Variants in ARPC5 observed in about 807,000 individuals in gnomAD.
ARPC5 encodes the protein actin-related protein 2/3 complex subunit 5.
A neutral mutation model predicts 15.4 loss-of-function variants in ARPC5; 5 were observed. The observed-to-expected ratio is 0.32, with a 90% CI of 0.17 to 0.68. The LOEUF (loss-of-function observed/expected upper bound fraction) is 0.68, where lower values mean the gene tolerates loss of function less well. Ranked by LOEUF, ARPC5 falls within the 30% of genes least tolerant of loss-of-function variation. ARPC5 has a pLI of 0.71. For missense variants in ARPC5, 138 were observed against 192.8 expected, an observed-to-expected ratio of 0.72 and a Z score of 1.68; for synonymous variants, 85 against 72.2, an observed-to-expected ratio of 1.18 and a Z score of -0.90.
chr1:183,626,462 G>A lies in ARPC5; in HGVS notation c.*1070C>T, dbSNP rs764209157. The A allele has an allele frequency of 2.0e-4, 30 of 152,480 alleles. No individual in the cohort carries two copies. Among genetic ancestry groups the A allele is most frequent in the Non-Finnish European group, 3.4e-4 (23 of 68,028 alleles). The allele number at this position is 152,480 out of a possible 1,614,324, so 9.4% of individuals were successfully genotyped here. A position where few individuals can be genotyped will look rare whatever the true frequency, so the allele number is the denominator to read the frequency against. ...CGGTCATTTTTTGAGAACTGATTTG[G>A]TTTGTCCAACAAAGTAAACAATTTT... is the stretch of plus-strand genomic sequence containing the variant. On this transcript the variant is annotated 3_prime_UTR_variant, in exon 4 of 4. Transcript: ENST00000359856.
chr1:183,631,722 A>T (rs1649273472), intron 2 of ARPC5: 1 of 152,240 alleles, frequency 6.6e-6, no homozygotes, highest in South Asian at 2.1e-4. Flanking sequence ...TCTTAAAAGA[A>T]AATTGACTGT....
In ARPC5 at chr1:183,627,238, G is replaced by T; in HGVS notation, c.*294C>A. The T allele has an allele frequency of 3.7e-6, 1 of 272,994 alleles. No homozygotes were observed. 16.9% of individuals were successfully genotyped at this position (272,994 alleles called of 1,614,324 possible). A position where few individuals can be genotyped will look rare whatever the true frequency, so the allele number is the denominator to read the frequency against. On this transcript the variant is annotated 3_prime_UTR_variant, in exon 4 of 4. Transcript: ENST00000359856. ...AAAAACCAGCCAACAGGGGTTAAAA[G>T]TTGCACAATTAAACTTGAATGTAAA... is the stretch of plus-strand genomic sequence containing the variant.
In ARPC5 at chr1:183,635,746, G is replaced by C. The variant is rs1385358717; in HGVS notation, c.-87C>G. On this transcript the variant is annotated 5_prime_UTR_variant, in exon 1 of 4. It adds an upstream start codon to the 5' untranslated region. Coordinates refer to ENST00000359856, the MANE Select transcript of ARPC5 (RefSeq NM_005717.4). Reference sequence around the variant, plus strand: ...CCCAGCAACCCACTACCCGGCGCCTGATTCACTTCCCTCTTCCGCTCTGAG... The same window carrying C: ...CCCAGCAACCCACTACCCGGCGCCTCATTCACTTCCCTCTTCCGCTCTGAG... 1 of 1,525,440 alleles carries C rather than the reference G, an allele frequency of 6.6e-7. No homozygotes were observed. The highest frequency in any genetic ancestry group is 8.9e-7 in the Non-Finnish European group (1 of 1,129,624). The allele number at this position is 1,525,440 out of a possible 1,614,324, so 94.5% of individuals were successfully genotyped here.
At chr1:183,631,296 A>G (rs1231209314) in intron 2 of ARPC5, 1 of 151,822 alleles carries the variant, frequency 6.6e-6, no homozygotes, top group Non-Finnish European at 1.5e-5. Flanking sequence ...TCCCAACAAA[A>G]CGGCCGGGTG....
intron 3 of ARPC5, among the ~76,000 whole-genome samples, chr1:183,629,507 G>C (rs1225440453): frequency 6.6e-6 from 1 of 152,074 alleles, no homozygotes; most frequent in Non-Finnish European, 1.5e-5. Flanking sequence ...TCTTATGTTT[G>C]TGTTTTCACT....
chr1:183,635,546 G>A lies in ARPC5; in HGVS notation c.114C>T (p.Asp38=), dbSNP rs1330976645. Residue 38 remains aspartate (D), a synonymous_variant, in exon 1 of 4, where the codon GAC becomes GAT. Coordinates refer to ENST00000359856, the MANE Select transcript of ARPC5 (RefSeq NM_005717.4). ...EDGGDGQAGP[D]EGEVDSCLRQ... is the part of the protein sequence containing the mutation. ...GCAGGCAGGAGTCCACCTCGCCCTC[G>A]TCGGGCCCGGCCTGGCCGTCGCCCC... 6.2e-6 allele frequency: 10 copies of A among 1,612,732 alleles called. No individual in the cohort carries two copies. Among genetic ancestry groups the A allele is most frequent in the Non-Finnish European group, 7.6e-6 (9 of 1,179,684 alleles).
Position 183,622,431 on chromosome 1 carries a change from A to G in ARPC5, c.*5101T>C, listed in dbSNP as rs1212251287. On this transcript the variant is annotated 3_prime_UTR_variant, in exon 4 of 4. Transcript: ENST00000359856. ...ATCTTGATTCAATTTTTGGAGAAAC[A>G]AAAGGAAGTATGATGTTATTCAGAG... is the stretch of plus-strand genomic sequence containing the variant. 1.3e-5 allele frequency: 2 copies of G among 152,238 alleles called. No individual in the cohort carries two copies. The highest frequency in any genetic ancestry group is 1.3e-4 in the Admixed American group (2 of 15,284). 9.4% of individuals were successfully genotyped at this position (152,238 alleles called of 1,614,324 possible).
chr1:183,635,151 C>T (rs1244793816), intron 1 of ARPC5, among the ~76,000 whole-genome samples: 2 of 152,256 alleles, frequency 1.3e-5, no homozygotes, highest in East Asian at 1.9e-4. Context: ...AACTAAGGCG[C>T]TCGGCACCAG....
In ARPC5 at chr1:183,635,776, C is replaced by A. The variant is rs529054008; in HGVS notation, c.-117G>T. 2.0e-4 allele frequency: 277 copies of A among 1,365,878 alleles called. No individual in the cohort carries two copies. The Middle Eastern group carries it at 2.1e-3, about 10-fold the overall frequency. 84.6% of individuals were successfully genotyped at this position (1,365,878 alleles called of 1,614,324 possible). ...ACTTCCCTCTTCCGCTCTGAGGCGTCGCCGACTGCCGCGGCTCGGACCGTT... is the reference window on the plus strand; with the variant it reads ...ACTTCCCTCTTCCGCTCTGAGGCGTAGCCGACTGCCGCGGCTCGGACCGTT... On this transcript the variant is annotated 5_prime_UTR_variant, in exon 1 of 4. Transcript: ENST00000359856.
At position 183,624,785 on chromosome 1, in the gene ARPC5, G is replaced by A. The variant is rs899625738; in HGVS notation, c.*2747C>T. On this transcript the variant is annotated 3_prime_UTR_variant, in exon 4 of 4. Transcript: ENST00000359856. ...TATGACGTTAATTCTCTTTTTTTTT[G>A]TATGACATAATTTTCAGGTGCTTAA... The A allele has an allele frequency of 9.3e-5, 14 of 151,000 alleles. No individual in the cohort carries two copies. The highest frequency in any genetic ancestry group is 3.4e-3 in the Middle Eastern group (1 of 292). The allele number at this position is 151,000 out of a possible 1,614,324, so 9.4% of individuals were successfully genotyped here.
Position 183,622,294 on chromosome 1 carries a change from C to A in ARPC5, c.*5238G>T, listed in dbSNP as rs1648960167. 1 of 152,110 alleles carries A rather than the reference C, an allele frequency of 6.6e-6. No homozygotes were observed. The highest frequency in any genetic ancestry group is 2.4e-5 in the African/African-American group (1 of 41,426). 9.4% of individuals were successfully genotyped at this position (152,110 alleles called of 1,614,324 possible). A position where few individuals can be genotyped will look rare whatever the true frequency, so the allele number is the denominator to read the frequency against. The stretch of plus-strand genomic sequence containing the variant: ...CCTTTTGAATATTGAACAATATGAA[C>A]AAATTATTTGAAAACGAATAAAAAC... On this transcript the variant is annotated 3_prime_UTR_variant, in exon 4 of 4. Coordinates refer to ENST00000359856, the MANE Select transcript of ARPC5 (RefSeq NM_005717.4).
intron 3 of ARPC5, chr1:183,630,244 T>C: frequency 2.5e-6 from 1 of 392,912 alleles, no homozygotes; most frequent in Admixed American, 4.3e-5. Flanking sequence ...TATGTTTAAT[T>C]ACTAATAATC....
chr1:183,623,579 A>G lies in ARPC5; in HGVS notation c.*3953T>C. 6.7e-7 allele frequency: 1 copy of G among 1,497,878 alleles called. No individual in the cohort carries two copies. The allele number at this position is 1,497,878 out of a possible 1,614,324, so 92.8% of individuals were successfully genotyped here. On this transcript the variant is annotated 3_prime_UTR_variant, in exon 4 of 4. Coordinates refer to ENST00000359856, the MANE Select transcript of ARPC5 (RefSeq NM_005717.4). ...GTCCCGCGGCAGGAATATGGACAGAAGCAGCCTTGTTTAAGGGCACTTGGT... is the reference window on the plus strand; with the variant it reads ...GTCCCGCGGCAGGAATATGGACAGAGGCAGCCTTGTTTAAGGGCACTTGGT...
chr1:183,623,269 ATTAT>A lies in ARPC5; in HGVS notation c.*4259_*4262del, dbSNP rs1648987959. ...AGAGAAATAAGAGATGTAAACATAGATTATTTATGTTGATTACTCTTACACACTC... is the reference window on the plus strand; with the variant it reads ...AGAGAAATAAGAGATGTAAACATAGATTATGTTGATTACTCTTACACACTC... On this transcript the variant is annotated 3_prime_UTR_variant, in exon 4 of 4. Transcript: ENST00000359856. 5.7e-6 allele frequency: 4 copies of A among 700,630 alleles called. No homozygotes were observed. Among genetic ancestry groups the A allele is most frequent in the South Asian group, 1.9e-5 (1 of 53,802 alleles). 43.4% of individuals were successfully genotyped at this position (700,630 alleles called of 1,614,324 possible).
At position 183,627,535 on chromosome 1, in the gene ARPC5, C is replaced by G. The variant is rs1352083185; in HGVS notation, c.453G>C (p.Val151=). The G allele has an allele frequency of 6.2e-7, 1 of 1,613,892 alleles. No homozygotes were observed. The highest frequency in any genetic ancestry group is 1.3e-5 in the African/African-American group (1 of 74,908). The part of the protein sequence containing the change: ...IVRVLTARKT[V] ...AGATAATCCACTTCCTGCCAGACTA[C>G]ACAGTTTTTCTTGCAGTCAAGACAC... The change falls in exon 4 of 4, where the codon GTG becomes GTC. Residue 151 remains valine (V), a synonymous_variant. Transcript: ENST00000359856.
intron 3 of ARPC5, among the ~76,000 whole-genome samples, chr1:183,629,548 T>C (rs1649205962): frequency 6.6e-6 from 1 of 152,236 alleles, no homozygotes; most frequent in African/African-American, 2.4e-5. Flanking sequence ...AATATTTTTA[T>C]GACTGGTTCT....
Position 183,623,808 on chromosome 1 carries a change from A to C in ARPC5, c.*3724T>G, listed in dbSNP as rs1649005906. The C allele has an allele frequency of 3.1e-6, 1 of 320,558 alleles. No individual in the cohort carries two copies. 19.9% of individuals were successfully genotyped at this position (320,558 alleles called of 1,614,324 possible). A position where few individuals can be genotyped will look rare whatever the true frequency, so the allele number is the denominator to read the frequency against. On this transcript the variant is annotated 3_prime_UTR_variant, in exon 4 of 4. Transcript: ENST00000359856. ...GAGGCGGAGGAGGGTGGATCACCTG[A>C]GGTCAGGAGTTCAAGACCAGCCTGG...
chr1:183,635,685 C>T lies in ARPC5; in HGVS notation c.-26G>A. ...CCCAATCCCGACCAGCGGCAAAGGC[C>T]TCTTCTTGGCGCTGCCTCTACCTCA... On this transcript the variant is annotated 5_prime_UTR_variant, in exon 1 of 4. Coordinates refer to ENST00000359856, the MANE Select transcript of ARPC5 (RefSeq NM_005717.4). 1 of 1,604,596 alleles carries T rather than the reference C, an allele frequency of 6.2e-7. No individual in the cohort carries two copies. Among genetic ancestry groups the T allele is most frequent in the African/African-American group, 1.3e-5 (1 of 74,766 alleles).
In ARPC5 at chr1:183,623,590, T is replaced by G; in HGVS notation, c.*3942A>C. 1 of 1,411,880 alleles carries G rather than the reference T, an allele frequency of 7.1e-7. No individual in the cohort carries two copies. Among genetic ancestry groups the G allele is most frequent in the South Asian group, 1.2e-5 (1 of 80,874 alleles). 87.5% of individuals were successfully genotyped at this position (1,411,880 alleles called of 1,614,324 possible). On this transcript the variant is annotated 3_prime_UTR_variant, in exon 4 of 4. Transcript: ENST00000359856. Reference sequence around the variant, plus strand: ...GGAATATGGACAGAAGCAGCCTTGTTTAAGGGCACTTGGTTCTACAGAGGC... The same window carrying G: ...GGAATATGGACAGAAGCAGCCTTGTGTAAGGGCACTTGGTTCTACAGAGGC...
Sources: allele counts gnomAD v4.1 joint callset (sites outside exome capture counted in the v4.1 genomes callset), GRCh38; gene constraint gnomAD v4.1.1; transcripts MANE v1.5; gene names NCBI Gene and HGNC (gene_info 2026-07-23, HGNC 2026-07-21).